Variants in SLC5A4 observed in about 807,000 individuals in gnomAD.
SLC5A4 encodes the protein solute carrier family 5 member 4.
SLC5A4 carries 55 observed loss-of-function variants against 70.3 expected under a neutral mutation model. The observed-to-expected ratio is 0.78, with a 90% CI of 0.63 to 0.98. The LOEUF (loss-of-function observed/expected upper bound fraction) is 0.98. Among genes scored for constraint, SLC5A4 ranks in the 50% least tolerant of loss-of-function variants. The probability of loss-of-function intolerance (pLI) is 0.00; values close to 1 mark genes in which losing one functional copy is unlikely to be tolerated. For synonymous variants in SLC5A4, 268 were observed against 305.7 expected, an observed-to-expected ratio of 0.88 and a Z score of 1.29; for missense variants, 735 against 839.2, an observed-to-expected ratio of 0.88 and a Z score of 1.53.
At chr22:32,280,597 G>A in the SLC5A4 span, among the ~76,000 whole-genome samples, 1 of 152,170 alleles carries the variant, frequency 6.6e-6, no homozygotes, top group Non-Finnish European at 1.5e-5. Flanking sequence ...GCTGTGTATA[G>A]GTTCCTGTTT....
At chr22:32,256,044 C>T (rs151111247), upstream of SLC5A4, among the ~76,000 whole-genome samples, 448 of 152,208 alleles carry the variant, frequency 2.9e-3, 7 homozygotes, top group African/African-American at 0.01. Flanking sequence ...AAAGCCTATG[C>T]GGTGGCTGAC....
intron 2 of SLC5A4, among the ~76,000 whole-genome samples, chr22:32,253,417 C>T (rs112282532): frequency 8.5e-5 from 13 of 152,254 alleles, no homozygotes; most frequent in African/African-American, 2.6e-4. Context: ...ATGGAGAGAG[C>T]CGGGAGGCTC....
the SLC5A4 span, among the ~76,000 whole-genome samples, chr22:32,266,118 G>C: frequency 6.6e-6 from 1 of 152,178 alleles, no homozygotes; most frequent in Non-Finnish European, 1.5e-5. Flanking sequence ...GGTTTCCAGG[G>C]AGCAGGAAGG....
At chr22:32,307,979 G>A in the SLC5A4 span, among the ~76,000 whole-genome samples, 1 of 152,294 alleles carries the variant, frequency 6.6e-6, no homozygotes, top group African/African-American at 2.4e-5. Flanking sequence ...ATCAACCCAC[G>A]TGGATGTCTC....
At chr22:32,336,599 G>A in the SLC5A4 span, among the ~76,000 whole-genome samples, 1 of 152,214 alleles carries the variant, frequency 6.6e-6, no homozygotes, top group Admixed American at 6.5e-5. Flanking sequence ...CCTAATGGGA[G>A]CTGTTTCCTT....
At chr22:32,256,071 C>T (rs1927472863), upstream of SLC5A4, among the ~76,000 whole-genome samples, 2 of 152,156 alleles carry the variant, frequency 1.3e-5, no homozygotes, top group African/African-American at 4.8e-5. Context: ...AATCCCAGCA[C>T]TTTGGGAGGC....
At chr22:32,281,995 CA>C in the SLC5A4 span, among the ~76,000 whole-genome samples, 4 of 152,100 alleles carry the variant, frequency 2.6e-5, no homozygotes, top group Admixed American at 2.6e-4. Flanking sequence ...AGGCATGTGC[CA>C]CCACGCCTGG....
At chr22:32,279,253 G>A in the SLC5A4 span, among the ~76,000 whole-genome samples, 1 of 152,250 alleles carries the variant, frequency 6.6e-6, no homozygotes, top group African/African-American at 2.4e-5. Context: ...TCCAGCCTGG[G>A]CGACAGAGTG....
chr22:32,230,269 C>A (rs1027064484), intron 10 of SLC5A4, among the ~76,000 whole-genome samples: 3 of 152,044 alleles, frequency 2.0e-5, no homozygotes, highest in Admixed American at 6.6e-5. Context: ...TGTAGCCAAC[C>A]CTTGATGGAG....
intron 5 of SLC5A4, among the ~76,000 whole-genome samples, chr22:32,242,448 G>A (rs1178788220): frequency 3.3e-5 from 5 of 152,180 alleles, no homozygotes; most frequent in Non-Finnish European, 7.3e-5. Context: ...GGTGGCTCAT[G>A]CCTGTAATCC....
chr22:32,330,931 G>A, the SLC5A4 span, among the ~76,000 whole-genome samples: 9 of 25,876 alleles, frequency 3.5e-4, no homozygotes, highest in African/African-American at 1.2e-3. Context: ...GGCCTCTGGT[G>A]TGTATGTGTT....
the SLC5A4 span, among the ~76,000 whole-genome samples, chr22:32,300,704 G>A: frequency 6.6e-6 from 1 of 152,152 alleles, no homozygotes; most frequent in African/African-American, 2.4e-5. Flanking sequence ...AATATCTGGA[G>A]CTTCATCCAG....
At position 32,224,338 on chromosome 22, in the gene SLC5A4, C is replaced by A; in HGVS notation, c.1594G>T (p.Val532Phe). The A allele has an allele frequency of 6.2e-7, 1 of 1,614,094 alleles. No individual in the cohort carries two copies. The highest frequency in any genetic ancestry group is 8.5e-7 in the Non-Finnish European group (1 of 1,179,982). The change falls in exon 13 of 15, where the codon GTT (valine) becomes TTT (phenylalanine). Residue 532 changes from valine to phenylalanine, a missense_variant. By Grantham distance (50) the Val-to-Phe change is conservative. Coordinates refer to ENST00000266086, the MANE Select transcript of SLC5A4 (RefSeq NM_014227.3). Reference protein sequence around the residue: ...CGVHYLYFSIVLFFGSMLVTL... With the variant: ...CGVHYLYFSIFLFFGSMLVTL... The stretch of plus-strand genomic sequence containing the variant: ...ACCAGCATGGACCCAAAAAAGAGAA[C>A]GATGGAAAAGTACAGATAGTGCACT...
At chr22:32,278,852 T>C in the SLC5A4 span, among the ~76,000 whole-genome samples, 1 of 152,158 alleles carries the variant, frequency 6.6e-6, no homozygotes, top group Non-Finnish European at 1.5e-5. Context: ...GAAAACAAGA[T>C]TACAGATCAA....
the SLC5A4 span, among the ~76,000 whole-genome samples, chr22:32,319,669 C>G: frequency 6.6e-6 from 1 of 152,224 alleles, no homozygotes; most frequent in Non-Finnish European, 1.5e-5. Context: ...ATGCTCCTGT[C>G]TCTTCTCCCA....
the SLC5A4 span, among the ~76,000 whole-genome samples, chr22:32,282,354 C>T: frequency 2.3e-4 from 35 of 152,148 alleles, no homozygotes; most frequent in African/African-American, 8.0e-4. Context: ...ACTCTGCTGG[C>T]TAGTCTCTCT....
chr22:32,281,314 C>A, the SLC5A4 span, among the ~76,000 whole-genome samples: 3 of 152,224 alleles, frequency 2.0e-5, no homozygotes, highest in East Asian at 1.9e-4. Flanking sequence ...CTGCTCCCAA[C>A]GGGGCCGCAT....
chr22:32,335,327 C>T, the SLC5A4 span, among the ~76,000 whole-genome samples: 2 of 149,450 alleles, frequency 1.3e-5, no homozygotes, highest in South Asian at 2.1e-4. Flanking sequence ...AACAGAACCA[C>T]CTAGCACAGT....
chr22:32,331,867 C>A, the SLC5A4 span, among the ~76,000 whole-genome samples: 3 of 152,072 alleles, frequency 2.0e-5, no homozygotes, highest in Non-Finnish European at 2.9e-5. Context: ...GGCTGCTCCT[C>A]CCCAGGCCCA....
Sources: gnomAD v4.1 joint callset for allele counts (sites outside exome capture counted in the v4.1 genomes callset) on GRCh38, gnomAD v4.1.1 for gene constraint, MANE v1.5 for transcripts, NCBI Gene and HGNC (gene_info 2026-07-23, HGNC 2026-07-21) for gene names.